Variants in GRID2 observed in about 807,000 individuals in gnomAD.
GRID2 encodes the protein glutamate ionotropic receptor delta type subunit 2, also known as glutamate receptor ionotropic, delta-2.
Under a neutral mutation model 114.8 loss-of-function variants are expected in GRID2, and 33 were observed. The ratio of observed to expected loss-of-function variants is 0.29; its 90% CI spans 0.22 to 0.38. The LOEUF (loss-of-function observed/expected upper bound fraction) is 0.38. Ranked by LOEUF, GRID2 falls within the 10% of genes least tolerant of loss-of-function variation. GRID2 has a pLI of 1.00. For synonymous variants in GRID2, 505 were observed against 449.9 expected, an observed-to-expected ratio of 1.12 and a Z score of -1.55; for missense variants, 1,184 against 1,257.7, an observed-to-expected ratio of 0.94 and a Z score of 0.89.
chr4:93,014,604 C>T (rs533129595), intron 2 of GRID2, among the ~76,000 whole-genome samples: 2 of 152,130 alleles, frequency 1.3e-5, no homozygotes, highest in Admixed American at 6.6e-5. Context: ...TGAAGACATG[C>T]TGTGAGATTA....
intron 13 of GRID2, among the ~76,000 whole-genome samples, chr4:93,548,929 T>C (rs1733497563): frequency 6.6e-6 from 1 of 152,152 alleles, no homozygotes; most frequent in African/African-American, 2.4e-5. Context: ...CCTTGATTTC[T>C]TGATTTAGAG....
chr4:92,516,634 G>A (rs1047617153), intron 1 of GRID2, among the ~76,000 whole-genome samples: 13 of 151,798 alleles, frequency 8.6e-5, no homozygotes, highest in Non-Finnish European at 1.8e-4. Context: ...GCTGTGACAC[G>A]TCTGTGATTC....
At chr4:93,163,352 TTG>T (rs1553999383) in intron 4 of GRID2, among the ~76,000 whole-genome samples, 42 of 93,150 alleles carry the variant, frequency 4.5e-4, no homozygotes, top group African/African-American at 2.0e-3. Flanking sequence ...GATTTTTTTT[TTG>T]TGTATATATA....
intron 10 of GRID2, among the ~76,000 whole-genome samples, chr4:93,438,374 G>A (rs937844839): frequency 6.6e-6 from 1 of 152,096 alleles, no homozygotes; most frequent in African/African-American, 2.4e-5. Flanking sequence ...GTCTTCAGAT[G>A]AGTAGGAGTA....
intron 5 of GRID2, among the ~76,000 whole-genome samples, chr4:93,214,399 T>C (rs1743941735): frequency 1.3e-5 from 2 of 152,056 alleles, no homozygotes; most frequent in Non-Finnish European, 2.9e-5. Context: ...ACTTTGCATC[T>C]GCCACTCTCG....
At chr4:92,926,186 G>A (rs1459597432) in intron 2 of GRID2, among the ~76,000 whole-genome samples, 1 of 152,042 alleles carries the variant, frequency 6.6e-6, no homozygotes, top group Non-Finnish European at 1.5e-5. Flanking sequence ...AAGTAAATAA[G>A]AAGCGACTGA....
chr4:93,676,993 G>A (rs1332645091), intron 14 of GRID2, among the ~76,000 whole-genome samples: 2 of 151,442 alleles, frequency 1.3e-5, no homozygotes, highest in Admixed American at 6.6e-5. Context: ...CACTCGGGAA[G>A]CGCAAGGGGT....
At chr4:92,630,369 T>G (rs1730743536) in intron 2 of GRID2, among the ~76,000 whole-genome samples, 2 of 152,294 alleles carry the variant, frequency 1.3e-5, no homozygotes, top group Admixed American at 6.5e-5. Flanking sequence ...TTATTTGTAC[T>G]TGTAAGTGGA....
In GRID2 at chr4:93,784,595, T is replaced by A. The variant is rs74983696; in HGVS notation, c.221+15145T>A. Among the ~76,000 whole-genome samples the A allele has an allele frequency of 3.9e-3, 586 of 151,704 alleles. 19 individuals are homozygous for A. In the East Asian group the frequency reaches 0.04, roughly 10 times the overall value. On this transcript the variant is annotated intron_variant, in intron 1 of 1. Coordinates refer to the GRID2 transcript ENST00000637838. Reference sequence around the variant, plus strand: ...ACAGACAGAAGATGGAAAAAAAAAATTTGTTGATTTATTCAACAATTGTAT... The same window carrying A: ...ACAGACAGAAGATGGAAAAAAAAAAATTGTTGATTTATTCAACAATTGTAT...
chr4:92,403,699 A>G (rs796655790), intron 1 of GRID2, among the ~76,000 whole-genome samples: 5,105 of 79,514 alleles, frequency 0.064, 150 homozygotes, highest in East Asian at 0.16. Context: ...CTCAAAAATA[A>G]ATAAATAAAT....
At chr4:92,780,318 A>G (rs1176982691) in intron 2 of GRID2, among the ~76,000 whole-genome samples, 1 of 152,136 alleles carries the variant, frequency 6.6e-6, no homozygotes, top group Admixed American at 6.6e-5. Flanking sequence ...ATAAGAATGT[A>G]TTTTAGTAAT....
intron 8 of GRID2, 126 bp downstream of exon 8, chr4:93,238,616 G>T (rs1747093977): frequency 3.1e-6 from 2 of 639,784 alleles, no homozygotes; most frequent in Non-Finnish European, 2.5e-6. Flanking sequence ...AAAGCAGGGG[G>T]TGAGGGGAAA....
At chr4:93,787,330 A>G (rs1264635443) in intron 1 of GRID2, among the ~76,000 whole-genome samples, 1 of 152,280 alleles carries the variant, frequency 6.6e-6, no homozygotes, top group East Asian at 1.9e-4. Flanking sequence ...ATGAAGAAAT[A>G]CAGGCTGAAT....
intron 4 of GRID2, among the ~76,000 whole-genome samples, chr4:93,126,945 T>C (rs1375617991): frequency 2.0e-5 from 3 of 152,196 alleles, no homozygotes; most frequent in African/African-American, 7.2e-5. Context: ...ATTGCTGTCC[T>C]ATGATAATTA....
At chr4:93,040,903 A>T in intron 2 of GRID2, among the ~76,000 whole-genome samples, 1 of 152,084 alleles carries the variant, frequency 6.6e-6, no homozygotes, top group Middle Eastern at 3.2e-3. Context: ...TTTGCATTCT[A>T]TCTTTCTGGT....
chr4:92,712,506 C>A (rs1004791192), intron 2 of GRID2, among the ~76,000 whole-genome samples: 19 of 152,080 alleles, frequency 1.2e-4, no homozygotes, highest in African/African-American at 4.1e-4. Flanking sequence ...ATTATGGTTT[C>A]TAATTATAGC....
chr4:93,670,736 T>G (rs1724337639), intron 14 of GRID2, among the ~76,000 whole-genome samples: 1 of 152,218 alleles, frequency 6.6e-6, no homozygotes, highest in Non-Finnish European at 1.5e-5. Context: ...CAAATCTAGT[T>G]GTCTTTGTTA....
chr4:93,129,889 T>G (rs1321954488), intron 4 of GRID2, among the ~76,000 whole-genome samples: 1 of 152,118 alleles, frequency 6.6e-6, no homozygotes, highest in African/African-American at 2.4e-5. Context: ...TGGATCGTAT[T>G]GTTCAGAGAT....
At chr4:93,790,101 T>G (rs1734667594) in intron 1 of GRID2, among the ~76,000 whole-genome samples, 1 of 98,162 alleles carries the variant, frequency 1.0e-5, no homozygotes, top group African/African-American at 3.9e-5. Context: ...CCACCCCATC[T>G]GTCACCCCCA....
Sources: allele counts gnomAD v4.1 joint callset (sites outside exome capture counted in the v4.1 genomes callset), GRCh38; gene constraint gnomAD v4.1.1; transcripts MANE v1.5; gene names NCBI Gene and HGNC (gene_info 2026-07-23, HGNC 2026-07-21).